Variants in RSRP1 observed in about 807,000 individuals in gnomAD.
RSRP1 encodes the protein arginine/serine-rich protein 1.
RSRP1 carries 37 observed loss-of-function variants against 33.0 expected under a neutral mutation model. That is an observed-to-expected ratio of 1.12 (90% CI 0.86 to 1.48). RSRP1 has a LOEUF of 1.48. RSRP1 is among the 40% of genes most tolerant of loss of function. The pLI is 0.00. For synonymous variants in RSRP1, 167 were observed against 158.7 expected, an observed-to-expected ratio of 1.05 and a Z score of -0.40; for missense variants, 402 against 385.3, an observed-to-expected ratio of 1.04 and a Z score of -0.36.
intron 1 of RSRP1, among the ~76,000 whole-genome samples, chr1:25,300,590 G>A (rs1458803037): frequency 7.7e-6 from 1 of 129,780 alleles, no homozygotes; most frequent in East Asian, 2.0e-4. Flanking sequence ...CGGGTGGATC[G>A]CCTGAGGTCA....
In RSRP1 at chr1:25,307,731, T is replaced by C. The variant is rs1643924899; in HGVS notation, c.-67+30247A>G. The C allele has an allele frequency of 4.6e-6, 6 of 1,308,088 alleles. 1 individual carries two copies. The highest frequency in any genetic ancestry group is 3.8e-5 in the South Asian group (3 of 78,302). The allele number at this position is 1,308,088 out of a possible 1,614,324, so 81.0% of individuals were successfully genotyped here. A position where few individuals can be genotyped will look rare whatever the true frequency, so the allele number is the denominator to read the frequency against. On this transcript the variant is annotated intron_variant, in intron 1 of 1. Transcript: ENST00000561867. ...GTTTGGACGTGTCTCAGAGAAATCATGGAGGCGCTGCGGTTCCTACCGGTT... is the reference window on the plus strand; with the variant it reads ...GTTTGGACGTGTCTCAGAGAAATCACGGAGGCGCTGCGGTTCCTACCGGTT...
rs17421151 is a variant in RSRP1, at chr1:25,300,973, A to T, written c.-67+37005T>A. 39 of 1,373,952 alleles carry T rather than the reference A, an allele frequency of 2.8e-5. 11 individuals are homozygous for T. The highest frequency in any genetic ancestry group is 3.7e-5 in the Non-Finnish European group (36 of 978,622). 85.1% of individuals were successfully genotyped at this position (1,373,952 alleles called of 1,614,324 possible). On this transcript the variant is annotated intron_variant, in intron 1 of 1. Coordinates refer to the RSRP1 transcript ENST00000561867. Reference sequence around the variant, plus strand: ...AGACTACCACATGAACATGATGCACATCTACGTGTTCGCAGCCTATTTTGG... The same window carrying T: ...AGACTACCACATGAACATGATGCACTTCTACGTGTTCGCAGCCTATTTTGG...
intron 1 of RSRP1, among the ~76,000 whole-genome samples, chr1:25,257,847 G>C (rs1639994811): frequency 6.6e-6 from 1 of 152,130 alleles, no homozygotes; most frequent in Non-Finnish European, 1.5e-5. Flanking sequence ...CTAGGTTCAA[G>C]TGATCTGCCC....
intron 1 of RSRP1, among the ~76,000 whole-genome samples, chr1:25,284,930 C>T (rs1641834664): frequency 7.4e-6 from 1 of 135,120 alleles, no homozygotes; most frequent in South Asian, 2.2e-4. Flanking sequence ...TTCAAATTAA[C>T]TGGGCATCCT....
intron 1 of RSRP1, among the ~76,000 whole-genome samples, chr1:25,283,015 C>G: frequency 7.5e-6 from 1 of 133,264 alleles, no homozygotes; most frequent in Non-Finnish European, 1.8e-5. Context: ...CAAGATCTCT[C>G]TCTCTCCAGT....
rs1372807651 is a variant in RSRP1, at chr1:25,319,264, C to T, written c.-67+18714G>A. Among the ~76,000 whole-genome samples, 3 of 131,710 alleles carry T rather than the reference C, an allele frequency of 2.3e-5. 1 individual carries two copies. Among genetic ancestry groups the T allele is most frequent in the Non-Finnish European group, 5.4e-5 (3 of 55,698 alleles). The allele number at this position is 131,710 out of a possible 152,430, so 86.4% of individuals were successfully genotyped here. On this transcript the variant is annotated intron_variant, in intron 1 of 1. Transcript: ENST00000561867. ...AGAGGAAAAGACAATCATATTGTTCCTTTAAGAGTTAAGACCAACAAGTTT... is the reference window on the plus strand; with the variant it reads ...AGAGGAAAAGACAATCATATTGTTCTTTTAAGAGTTAAGACCAACAAGTTT...
intron 1 of RSRP1, among the ~76,000 whole-genome samples, chr1:25,306,238 T>A (rs534359636): frequency 7.6e-6 from 1 of 131,622 alleles, no homozygotes; most frequent in East Asian, 2.0e-4. Context: ...CTGCTTAACA[T>A]CCTACAGTAC....
upstream of RSRP1, among the ~76,000 whole-genome samples, chr1:25,252,005 C>A (rs1394918254): frequency 6.6e-6 from 1 of 151,640 alleles, no homozygotes; most frequent in African/African-American, 2.4e-5. Context: ...ATTCCCATGC[C>A]CCAGCCTCCC....
intron 1 of RSRP1, among the ~76,000 whole-genome samples, chr1:25,275,357 G>T (rs574355831): frequency 7.6e-6 from 1 of 132,330 alleles, no homozygotes; most frequent in Admixed American, 7.4e-5. Flanking sequence ...GGCTGCATAC[G>T]AAGTTTGGCT....
At chr1:25,258,207 G>A (rs1245587978) in intron 1 of RSRP1, among the ~76,000 whole-genome samples, 1 of 152,186 alleles carries the variant, frequency 6.6e-6, no homozygotes, top group African/African-American at 2.4e-5. Flanking sequence ...TTGAGACAGA[G>A]TCTCGATCTG....
rs537057461 is a variant in RSRP1, at chr1:25,246,810, G to T, written c.154C>A (p.Arg52=). The change falls in exon 2 of 5, where the codon CGG becomes AGG. Residue 52 remains arginine, a synonymous_variant. Transcript: ENST00000243189. ...CTCCTCCGACTCCTGGACGAAAACC[G>T]GCTCGAGACGCGGGAATGGGACCGA... ...SSRSHSRVSS[R]FSSRSRRSKS... 8.7e-6 allele frequency: 14 copies of T among 1,613,576 alleles called. No homozygotes were observed. The African/African-American group carries it at 1.9e-4, about 21-fold the overall frequency.
intron 1 of RSRP1, among the ~76,000 whole-genome samples, chr1:25,293,949 A>T: frequency 7.6e-6 from 1 of 131,936 alleles, no homozygotes; most frequent in African/African-American, 2.6e-5. Flanking sequence ...CCATTAACTC[A>T]CCAGAATACA....
intron 3 of RSRP1, chr1:25,244,463 T>G: frequency 7.8e-7 from 1 of 1,289,380 alleles, no homozygotes; most frequent in Non-Finnish European, 1.0e-6. Context: ...CCAACAGATT[T>G]TCTTCATCAA....
In RSRP1 at chr1:25,316,182, C is replaced by G. The variant is rs565628923; in HGVS notation, c.-67+21796G>C. Among the ~76,000 whole-genome samples the G allele has an allele frequency of 3.0e-4, 39 of 131,194 alleles. 6 individuals carry two copies. The highest frequency in any genetic ancestry group is 1.0e-3 in the African/African-American group (38 of 38,164). 86.1% of individuals were successfully genotyped at this position (131,194 alleles called of 152,430 possible). On this transcript the variant is annotated intron_variant, in intron 1 of 1. Coordinates refer to the RSRP1 transcript ENST00000561867. ...ATAGCTTAATGTTTGAATTGAACCC[C>G]TGGGGTTGCCTTGAAGGAGAGAGGT...
chr1:25,321,613 T>G (rs578175977), intron 1 of RSRP1, among the ~76,000 whole-genome samples: 1 of 125,520 alleles, frequency 8.0e-6, no homozygotes, highest in East Asian at 2.0e-4. Context: ...GAGGCTGCAG[T>G]GAGCCGAGAT....
At chr1:25,244,235 T>C in intron 3 of RSRP1, 4 of 1,289,268 alleles carry the variant, frequency 3.1e-6, no homozygotes, top group Non-Finnish European at 4.0e-6. Flanking sequence ...CTGGAATATA[T>C]TGCATATATT....
intron 1 of RSRP1, among the ~76,000 whole-genome samples, chr1:25,285,256 G>A (rs147431019): frequency 6.0e-5 from 8 of 132,552 alleles, no homozygotes; most frequent in East Asian, 5.8e-4. Flanking sequence ...TGCCTCAGCC[G>A]CCTGAGTAGC....
intron 1 of RSRP1, among the ~76,000 whole-genome samples, chr1:25,310,380 G>A (rs1191472056): frequency 7.5e-6 from 1 of 133,078 alleles, no homozygotes; most frequent in Admixed American, 7.3e-5. Flanking sequence ...CTCTCACTGT[G>A]TGATGACTTC....
chr1:25,319,536 G>A (rs1166844677), intron 1 of RSRP1, among the ~76,000 whole-genome samples: 1 of 132,120 alleles, frequency 7.6e-6, no homozygotes, highest in African/African-American at 2.6e-5. Context: ...TTGAGCTTGG[G>A]AGGCAGAAGT....
Sources: gnomAD v4.1 joint callset for allele counts (sites outside exome capture counted in the v4.1 genomes callset) on GRCh38, gnomAD v4.1.1 for gene constraint, MANE v1.5 for transcripts, NCBI Gene and HGNC (gene_info 2026-07-23, HGNC 2026-07-21) for gene names.